The following CELF2 variants were observed in gnomAD, a reference collection of about 807,000 sequenced individuals.
CELF2 encodes CUG triplet repeat RNA-binding protein 2.
A neutral mutation model predicts 62.6 loss-of-function variants in CELF2; 8 were observed. The ratio of observed to expected loss-of-function variants is 0.13; its 90% confidence interval spans 0.07 to 0.23. The LOEUF (loss-of-function observed/expected upper bound fraction) is 0.23. Among genes scored for constraint, CELF2 ranks in the 10% least tolerant of loss-of-function variants. The pLI is 1.00. For missense variants in CELF2, 333 were observed against 671.0 expected, an observed-to-expected ratio of 0.50 and a Z score of 5.56; for synonymous variants, 258 against 250.0, an observed-to-expected ratio of 1.03 and a Z score of -0.30.
At chr10:11,226,883 T>A (rs1421476582) in intron 3 of CELF2, among the ~76,000 whole-genome samples, 1 of 152,236 alleles carries the variant, frequency 6.6e-6, no homozygotes, top group Non-Finnish European at 1.5e-5. Flanking sequence ...ATGCACCATC[T>A]TTCTTCAGCA....
chr10:10,999,783 C>T (rs1018730782), intron 2 of CELF2, among the ~76,000 whole-genome samples: 2 of 152,148 alleles, frequency 1.3e-5, no homozygotes, highest in African/African-American at 2.4e-5. Flanking sequence ...TAAGCTTGTG[C>T]AGTTTACTTC....
chr10:10,907,252 AG>A (rs2063426561), intron 1 of CELF2, among the ~76,000 whole-genome samples: 1 of 152,190 alleles, frequency 6.6e-6, no homozygotes, highest in African/African-American at 2.4e-5. Context: ...GGGGTGAAAA[AG>A]GTTAATGATG....
At chr10:10,655,459 T>C in the CELF2 span, among the ~76,000 whole-genome samples, 2 of 127,784 alleles carry the variant, frequency 1.6e-5, 1 homozygote, top group Admixed American at 1.6e-4. Flanking sequence ...TCACACTACC[T>C]GACTTCAAAC....
intron 2 of CELF2, among the ~76,000 whole-genome samples, chr10:10,923,655 CA>C (rs1324935896): frequency 6.6e-6 from 1 of 151,954 alleles, no homozygotes. Context: ...AATAAGTCAC[CA>C]GAAAAAAATT....
the CELF2 span, among the ~76,000 whole-genome samples, chr10:10,518,290 T>C: frequency 6.6e-6 from 1 of 152,204 alleles, no homozygotes; most frequent in African/African-American, 2.4e-5. Flanking sequence ...TACCTGAAAA[T>C]GGACTTGAGA....
At chr10:10,964,019 A>G (rs183159611) in intron 2 of CELF2, among the ~76,000 whole-genome samples, 53 of 152,372 alleles carry the variant, frequency 3.5e-4, no homozygotes, top group African/African-American at 1.2e-3. Flanking sequence ...GCCTGAAAAC[A>G]TAAATCTGAA....
At chr10:11,304,611 C>T (rs999069776) in intron 9 of CELF2, among the ~76,000 whole-genome samples, 3 of 152,178 alleles carry the variant, frequency 2.0e-5, no homozygotes, top group East Asian at 1.9e-4. Flanking sequence ...TCTTCCTCTA[C>T]GTATAAAGCC....
chr10:11,176,087 T>C (rs1294924960), intron 2 of CELF2, among the ~76,000 whole-genome samples: 1 of 152,184 alleles, frequency 6.6e-6, no homozygotes, highest in Non-Finnish European at 1.5e-5. Flanking sequence ...ATAATAAAGA[T>C]GAAGTGAGAG....
intron 1 of CELF2, among the ~76,000 whole-genome samples, chr10:11,048,151 T>C (rs191496227): frequency 2.4e-4 from 36 of 152,328 alleles, no homozygotes; most frequent in African/African-American, 8.7e-4. Context: ...GTAGCTTTTC[T>C]CAGTCACTAG....
intron 1 of CELF2, among the ~76,000 whole-genome samples, chr10:10,880,304 G>A (rs2061368782): frequency 6.6e-6 from 1 of 152,136 alleles, no homozygotes; most frequent in Non-Finnish European, 1.5e-5. Context: ...CTGCTGTTAA[G>A]GGGGCCCACG....
At chr10:10,747,623 T>C in the CELF2 span, among the ~76,000 whole-genome samples, 1 of 151,914 alleles carries the variant, frequency 6.6e-6, no homozygotes, top group Non-Finnish European at 1.5e-5. Context: ...AATACTGGCA[T>C]AATCACAGGA....
the CELF2 span, among the ~76,000 whole-genome samples, chr10:10,713,347 T>A: frequency 6.6e-6 from 1 of 152,200 alleles, no homozygotes; most frequent in Admixed American, 6.5e-5. Context: ...TCTACGGTGT[T>A]CATTGCTGTG....
the CELF2 span, among the ~76,000 whole-genome samples, chr10:10,498,787 A>C: frequency 6.6e-6 from 1 of 152,246 alleles, no homozygotes. Flanking sequence ...AACTCATTTC[A>C]TTAAAAAGGA....
intron 1 of CELF2, among the ~76,000 whole-genome samples, chr10:11,138,442 G>A (rs767609454): frequency 2.6e-5 from 4 of 152,124 alleles, no homozygotes; most frequent in Non-Finnish European, 4.4e-5. Flanking sequence ...TGTTCAAGAC[G>A]GTACAGCTTT....
chr10:10,499,348 C>T, the CELF2 span, among the ~76,000 whole-genome samples: 5 of 152,060 alleles, frequency 3.3e-5, no homozygotes, highest in Admixed American at 3.3e-4. Flanking sequence ...TTACAGGCCA[C>T]CATGCCCAGC....
intron 2 of CELF2, among the ~76,000 whole-genome samples, chr10:10,999,109 CT>C (rs944613801): frequency 6.6e-6 from 1 of 152,160 alleles, no homozygotes; most frequent in Non-Finnish European, 1.5e-5. Flanking sequence ...CCTTCCTAAT[CT>C]TTTTGTCTCT....
the CELF2 span, among the ~76,000 whole-genome samples, chr10:10,470,345 A>C: frequency 6.6e-6 from 1 of 151,790 alleles, no homozygotes; most frequent in Non-Finnish European, 1.5e-5. Context: ...TTAGTGGCTT[A>C]AACTATACAA....
chr10:11,051,872 T>A (rs2063992847), intron 1 of CELF2, among the ~76,000 whole-genome samples: 1 of 151,822 alleles, frequency 6.6e-6, no homozygotes, highest in African/African-American at 2.4e-5. Flanking sequence ...CAGGTTTTTG[T>A]TTTTTTGTGT....
intron 9 of CELF2, among the ~76,000 whole-genome samples, chr10:11,299,775 G>A (rs959948234): frequency 1.3e-5 from 2 of 151,228 alleles, no homozygotes; most frequent in South Asian, 2.1e-4. Flanking sequence ...TCTGGGTTTC[G>A]CCAATTACAC....
Sources: allele counts gnomAD v4.1 joint callset (sites outside exome capture counted in the v4.1 genomes callset), GRCh38; gene constraint gnomAD v4.1.1; transcripts MANE v1.5; gene names NCBI Gene and HGNC (gene_info 2026-07-23, HGNC 2026-07-21).